CDH17: variants seen among roughly 807,000 people sequenced by gnomAD.
CDH17 encodes cadherin-17.
A neutral mutation model predicts 86.3 loss-of-function variants in CDH17; 67 were observed. The observed-to-expected ratio is 0.78, with a 90% CI of 0.64 to 0.95. The LOEUF is 0.95. CDH17 is among the 40% of genes least tolerant of loss of function. The probability of loss-of-function intolerance (pLI) is 0.00; values close to 1 mark genes in which losing one functional copy is unlikely to be tolerated. For missense variants in CDH17, 993 were observed against 1,017.6 expected (o/e 0.98, Z 0.33); for synonymous variants, 367 against 366.4 (o/e 1.00, Z -0.02).
upstream of CDH17, among the ~76,000 whole-genome samples, chr8:94,209,726 T>G (rs1016294726): frequency 6.6e-6 from 1 of 152,166 alleles, no homozygotes; most frequent in East Asian, 1.9e-4. Flanking sequence ...TAAGCACTTC[T>G]CACATTCTTC....
intron 10 of CDH17, among the ~76,000 whole-genome samples, chr8:94,162,375 G>A (rs1813071832): frequency 6.6e-6 from 1 of 152,210 alleles, no homozygotes; most frequent in Non-Finnish European, 1.5e-5. Flanking sequence ...ACAGATCTAA[G>A]AGAGATTTTT....
intron 11 of CDH17, 30 bp downstream of exon 11, chr8:94,162,056 A>C (rs1322918562): frequency 4.6e-6 from 6 of 1,316,698 alleles, no homozygotes; most frequent in Non-Finnish European, 6.5e-6. Context: ...GAATAAAGTA[A>C]AGAAAAAACA....
At chr8:94,200,542 T>G (rs1183620210) in intron 1 of CDH17, among the ~76,000 whole-genome samples, 1 of 131,504 alleles carries the variant, frequency 7.6e-6, no homozygotes, top group Non-Finnish European at 1.6e-5. Context: ...CTTTTGTTTT[T>G]TTTTTTTTTT....
At position 94,150,074 on chromosome 8, in the gene CDH17, T is replaced by C. The variant is rs188473434; in HGVS notation, c.1797-1200A>G. On this transcript the variant is annotated intron_variant, in intron 13 of 17. Transcript: ENST00000027335. ...AAGGACAAGAGAATCATTAAAAAAG[T>C]ATGATGTGTTAATTTCCCACAATGT... Among the ~76,000 whole-genome samples the C allele has an allele frequency of 1.4e-4, 21 of 152,330 alleles. 1 individual carries two copies. Among genetic ancestry groups the C allele is most frequent in the Non-Finnish European group, 2.6e-4 (18 of 68,022 alleles).
intron 9 of CDH17, among the ~76,000 whole-genome samples, chr8:94,167,678 C>T (rs1813183037): frequency 6.6e-6 from 1 of 151,992 alleles, no homozygotes. Flanking sequence ...TCTCAGCAGC[C>T]CTGCTATAGC....
chr8:94,162,271 T>G, intron 10 of CDH17, 109 bp from the exon 11 acceptor site: 2 of 732,852 alleles, frequency 2.7e-6, no homozygotes, highest in Non-Finnish European at 4.8e-6. Context: ...ATAGCCACAA[T>G]TTTGCAATTG....
intron 7 of CDH17, 75 bp downstream of exon 7, chr8:94,173,722 C>T: frequency 9.4e-7 from 1 of 1,065,788 alleles, no homozygotes; most frequent in Non-Finnish European, 1.5e-6. Flanking sequence ...TCAGTGAAGA[C>T]TGTGAGGGTG....
intron 11 of CDH17, among the ~76,000 whole-genome samples, chr8:94,161,660 C>A (rs573180869): frequency 2.0e-5 from 3 of 152,246 alleles, no homozygotes; most frequent in African/African-American, 7.2e-5. Context: ...CTTTCTCTTA[C>A]CCAATTATTA....
intron 1 of CDH17, among the ~76,000 whole-genome samples, chr8:94,200,286 C>T (rs1195412107): frequency 6.6e-6 from 1 of 152,102 alleles, no homozygotes; most frequent in Non-Finnish European, 1.5e-5. Context: ...CCCGAAACCA[C>T]CAAGCCAGAC....
At chr8:94,180,361 A>C (rs1813454317) in intron 3 of CDH17, among the ~76,000 whole-genome samples, 2 of 152,176 alleles carry the variant, frequency 1.3e-5, no homozygotes, top group South Asian at 4.1e-4. Context: ...AAAAAAGATT[A>C]TTTGAAGACA....
intron 1 of CDH17, among the ~76,000 whole-genome samples, chr8:94,198,491 A>G (rs748023607): frequency 1.3e-5 from 2 of 152,250 alleles, no homozygotes; most frequent in Non-Finnish European, 2.9e-5. Flanking sequence ...TTTCTGTAAT[A>G]TTAGCAAAAT....
At position 94,130,680 on chromosome 8, in the gene CDH17, T is replaced by A; in HGVS notation, c.2344A>T (p.Ile782Leu). Residue 782 changes from isoleucine to leucine, a missense_variant, in exon 17 of 18, where the codon ATA becomes TTA. By Grantham distance (5) the Ile-to-Leu change is conservative. Coordinates refer to ENST00000027335, the MANE Select transcript of CDH17 (RefSeq NM_004063.4). The stretch of plus-strand genomic sequence containing the variant: ...CCAACTGCCATGCCCACAGTGGGTA[T>A]CCCAGTCTGGTGACCTGCTGGCCGG... ...CFRPAGHQTG[I>L]PTVGMAVGIL... is the part of the protein sequence containing the mutation. The A allele has an allele frequency of 2.5e-6, 4 of 1,613,994 alleles. No homozygotes were observed. Among genetic ancestry groups the A allele is most frequent in the Non-Finnish European group, 3.4e-6 (4 of 1,179,944 alleles).
At position 94,128,056 on chromosome 8, in the gene CDH17, G is replaced by C; in HGVS notation, c.*184C>G. On this transcript the variant is annotated 3_prime_UTR_variant, in exon 18 of 18. Transcript: ENST00000027335. ...TGCAGTGAGCTGGGATCACACCACTGTACTCCAGCCTGGGCGACAGAGCAA... is the reference window on the plus strand; with the variant it reads ...TGCAGTGAGCTGGGATCACACCACTCTACTCCAGCCTGGGCGACAGAGCAA... 1 of 551,790 alleles carries C rather than the reference G, an allele frequency of 1.8e-6. No homozygotes were observed. The highest frequency in any genetic ancestry group is 2.1e-5 in the South Asian group (1 of 47,332). The allele number at this position is 551,790 out of a possible 1,614,324, so 34.2% of individuals were successfully genotyped here.
intron 9 of CDH17, 38 bp from the exon 10 acceptor site, chr8:94,166,014 G>T: frequency 8.1e-7 from 1 of 1,231,866 alleles, no homozygotes; most frequent in Non-Finnish European, 1.2e-6. Context: ...ACCATTACAG[G>T]CTCCACATAA....
chr8:94,129,096 C>T (rs1434511525), intron 17 of CDH17, among the ~76,000 whole-genome samples: 1 of 152,186 alleles, frequency 6.6e-6, no homozygotes, highest in Non-Finnish European at 1.5e-5. Context: ...GGTCATGAAA[C>T]TGTAAAATCC....
intron 12 of CDH17, among the ~76,000 whole-genome samples, chr8:94,158,545 G>A (rs1563573330): frequency 6.6e-6 from 1 of 152,156 alleles, no homozygotes; most frequent in Non-Finnish European, 1.5e-5. Flanking sequence ...AAAGGAAGCT[G>A]CCCCCGTCAC....
chr8:94,183,045 A>C (rs190478860), intron 3 of CDH17, among the ~76,000 whole-genome samples: 6 of 152,226 alleles, frequency 3.9e-5, no homozygotes, highest in African/African-American at 1.4e-4. Flanking sequence ...AATAAACTTA[A>C]GCAAAGAAAT....
chr8:94,194,399 C>T (rs545221334), intron 2 of CDH17, among the ~76,000 whole-genome samples: 50 of 152,186 alleles, frequency 3.3e-4, no homozygotes, highest in Admixed American at 5.9e-4. Context: ...CTGGTGTTGG[C>T]TTTTAAGAGC....
chr8:94,147,561 C>T (rs566823830), intron 14 of CDH17, among the ~76,000 whole-genome samples: 1 of 152,172 alleles, frequency 6.6e-6, no homozygotes, highest in Admixed American at 6.5e-5. Flanking sequence ...TTTTGGTAAA[C>T]CTGCCAGATA....
Sources: gnomAD v4.1 joint callset for allele counts (sites outside exome capture counted in the v4.1 genomes callset) on GRCh38, gnomAD v4.1.1 for gene constraint, MANE v1.5 for transcripts, NCBI Gene and HGNC (gene_info 2026-07-23, HGNC 2026-07-21) for gene names.